RBFOX1: variants seen among roughly 807,000 people sequenced by gnomAD.
The protein encoded by RBFOX1 is RNA binding fox-1 homolog 1.
Under a neutral mutation model 57.7 loss-of-function variants are expected in RBFOX1, and 8 were observed. The observed-to-expected ratio is 0.14, with a 90% CI of 0.08 to 0.25. RBFOX1 has a LOEUF of 0.25. Ranked by LOEUF, RBFOX1 falls within the 10% of genes least tolerant of loss-of-function variation. The probability of loss-of-function intolerance (pLI) is 1.00; values close to 1 mark genes in which losing one functional copy is unlikely to be tolerated. For synonymous variants in RBFOX1, 326 were observed against 222.4 expected (o/e 1.47, Z -4.15); for missense variants, 611 against 548.5 (o/e 1.11, Z -1.14).
chr16:6,744,260 T>G (rs2154185289), intron 3 of RBFOX1, among the ~76,000 whole-genome samples: 1 of 152,218 alleles, frequency 6.6e-6, no homozygotes, highest in African/African-American at 2.4e-5. Context: ...AGCCAAATAT[T>G]TCAGTGCTAG....
At chr16:7,207,068 T>A (rs2090140847) in intron 4 of RBFOX1, among the ~76,000 whole-genome samples, 1 of 152,182 alleles carries the variant, frequency 6.6e-6, no homozygotes, top group Non-Finnish European at 1.5e-5. Flanking sequence ...ACCCTACAGA[T>A]GTGTAGGTGC....
chr16:7,192,894 C>A (rs190669942), intron 4 of RBFOX1, among the ~76,000 whole-genome samples: 14 of 152,288 alleles, frequency 9.2e-5, no homozygotes, highest in South Asian at 8.3e-4. Flanking sequence ...GTTACTTCGC[C>A]AGTCTCACAC....
intron 4 of RBFOX1, among the ~76,000 whole-genome samples, chr16:5,966,747 C>G (rs572440273): frequency 6.6e-5 from 10 of 152,210 alleles, no homozygotes; most frequent in Non-Finnish European, 1.5e-5. Flanking sequence ...AAACCTGTCT[C>G]CATGATCACA....
At chr16:6,175,357 G>A (rs1195714219) in intron 1 of RBFOX1, among the ~76,000 whole-genome samples, 2 of 152,102 alleles carry the variant, frequency 1.3e-5, no homozygotes. Flanking sequence ...AAATATTTGG[G>A]AAATTTCTTC....
intron 4 of RBFOX1, among the ~76,000 whole-genome samples, chr16:5,874,359 C>T (rs2057551743): frequency 6.6e-6 from 1 of 152,156 alleles, no homozygotes; most frequent in African/African-American, 2.4e-5. Flanking sequence ...TCTTGGAGAA[C>T]AGGCCTCAGA....
intron 2 of RBFOX1, among the ~76,000 whole-genome samples, chr16:6,342,734 C>A (rs2084752164): frequency 6.6e-6 from 1 of 152,120 alleles, no homozygotes; most frequent in Non-Finnish European, 1.5e-5. Flanking sequence ...TGATAAATCT[C>A]TTCGGTGCGT....
chr16:6,775,749 G>A (rs1032465310), intron 3 of RBFOX1: 1 of 152,114 alleles, frequency 6.6e-6, no homozygotes, highest in African/African-American at 2.4e-5. Context: ...ACCAGCAAAC[G>A]GGTGACAGTG....
chr16:5,351,167 C>G lies in RBFOX1; in HGVS notation c.219+111062C>G, dbSNP rs76379339. Reference sequence around the variant, plus strand: ...CCCATGATGGGAGTCAGACTGTTGACTGTATTGATAATGCCATATTGATTT... The same window carrying G: ...CCCATGATGGGAGTCAGACTGTTGAGTGTATTGATAATGCCATATTGATTT... On this transcript the variant is annotated intron_variant, in intron 1 of 2. Coordinates refer to the RBFOX1 transcript ENST00000585867. Among the ~76,000 whole-genome samples the G allele has an allele frequency of 3.3e-5, 5 of 152,308 alleles. No individual in the cohort carries two copies. The East Asian group carries it at 7.7e-4, about 24-fold the overall frequency.
At chr16:6,820,609 T>C (rs992065394) in intron 3 of RBFOX1, among the ~76,000 whole-genome samples, 1 of 151,970 alleles carries the variant, frequency 6.6e-6, no homozygotes, top group Admixed American at 6.6e-5. Context: ...CTGCAAGCCA[T>C]GATCACACTA....
chr16:7,552,436 T>C (rs1429183388), intron 5 of RBFOX1, among the ~76,000 whole-genome samples: 1 of 152,194 alleles, frequency 6.6e-6, no homozygotes, highest in Non-Finnish European at 1.5e-5. Context: ...GCCTTTTCTT[T>C]AGCAGCAGGG....
chr16:6,601,745 C>T (rs973013924), intron 2 of RBFOX1, among the ~76,000 whole-genome samples: 11 of 151,898 alleles, frequency 7.2e-5, no homozygotes, highest in Non-Finnish European at 1.6e-4. Context: ...AGGTCAAGAG[C>T]AAGGAAGGAG....
intron 2 of RBFOX1, among the ~76,000 whole-genome samples, chr16:6,386,038 C>G (rs904337231): frequency 2.0e-5 from 3 of 151,494 alleles, no homozygotes; most frequent in African/African-American, 7.3e-5. Flanking sequence ...CGGGTTCACA[C>G]CATTCTCCTG....
At chr16:5,454,252 G>A (rs2068512980) in intron 1 of RBFOX1, among the ~76,000 whole-genome samples, 1 of 152,220 alleles carries the variant, frequency 6.6e-6, no homozygotes, top group Admixed American at 6.5e-5. Context: ...GGAGGGAATA[G>A]TGTCTATCAA....
intron 2 of RBFOX1, among the ~76,000 whole-genome samples, chr16:6,365,278 G>T (rs536890464): frequency 1.3e-5 from 2 of 151,912 alleles, no homozygotes; most frequent in South Asian, 4.2e-4. Flanking sequence ...GTGGATGGAT[G>T]AGTAGGTGGA....
At chr16:6,475,842 C>T (rs1004696290) in intron 2 of RBFOX1, among the ~76,000 whole-genome samples, 1 of 152,076 alleles carries the variant, frequency 6.6e-6, no homozygotes, top group East Asian at 1.9e-4. Flanking sequence ...TAGGTCATTA[C>T]CATAACTTCT....
chr16:6,268,220 T>C (rs2074770042), intron 1 of RBFOX1, among the ~76,000 whole-genome samples: 1 of 152,188 alleles, frequency 6.6e-6, no homozygotes, highest in Admixed American at 6.5e-5. Flanking sequence ...TCAAATGCTT[T>C]TGTTTTGAAT....
At chr16:5,504,597 C>T (rs1000019733) in intron 2 of RBFOX1, among the ~76,000 whole-genome samples, 5 of 152,170 alleles carry the variant, frequency 3.3e-5, no homozygotes, top group Non-Finnish European at 7.3e-5. Flanking sequence ...AAGGGGAGGG[C>T]CCGGTTTGGC....
intron 4 of RBFOX1, among the ~76,000 whole-genome samples, chr16:7,435,686 G>A (rs1022811710): frequency 6.6e-6 from 1 of 152,168 alleles, no homozygotes; most frequent in African/African-American, 2.4e-5. Flanking sequence ...GCCTGCCCCC[G>A]AAGCTATTTA....
At chr16:7,018,192 C>T (rs889089875) in intron 3 of RBFOX1, among the ~76,000 whole-genome samples, 3 of 152,070 alleles carry the variant, frequency 2.0e-5, no homozygotes, top group Non-Finnish European at 4.4e-5. Flanking sequence ...TTCGTGGATC[C>T]TGCAAGTTAG....
Sources: gnomAD v4.1 joint callset for allele counts (sites outside exome capture counted in the v4.1 genomes callset) on GRCh38, gnomAD v4.1.1 for gene constraint, MANE v1.5 for transcripts, NCBI Gene and HGNC (gene_info 2026-07-23, HGNC 2026-07-21) for gene names.